PBRM1: variants seen among roughly 807,000 people sequenced by gnomAD.
PBRM1 encodes polybromo 1, also known as protein polybromo-1.
PBRM1 carries 27 observed loss-of-function variants against 194.5 expected under a neutral mutation model. That is an observed-to-expected ratio of 0.14 (90% CI 0.10 to 0.19). The LOEUF (loss-of-function observed/expected upper bound fraction) is 0.19. Ranked by LOEUF, PBRM1 falls within the 10% of genes least tolerant of loss-of-function variation. The probability of loss-of-function intolerance (pLI) is 1.00; values close to 1 mark genes in which losing one functional copy is unlikely to be tolerated. For missense variants in PBRM1, 1,466 were observed against 2,077.2 expected (o/e 0.71, Z 5.72); for synonymous variants, 655 against 693.2 (o/e 0.94, Z 0.87).
chr3:52,553,173 T>C (rs2081378222), intron 27 of PBRM1, among the ~76,000 whole-genome samples: 1 of 152,232 alleles, frequency 6.6e-6, no homozygotes, highest in Non-Finnish European at 1.5e-5. Flanking sequence ...GTTGGGCCCT[T>C]AGCTGATGTT....
intron 17 of PBRM1, among the ~76,000 whole-genome samples, chr3:52,592,694 T>C (rs889079580): frequency 1.3e-5 from 2 of 152,206 alleles, no homozygotes; most frequent in Non-Finnish European, 2.9e-5. Context: ...GAGGAGTCCT[T>C]TCTCCTCAGT....
chr3:52,648,426 C>A (rs2096390447), exon 7 of PBRM1: 1 of 1,598,426 alleles, frequency 6.3e-7, no homozygotes, highest in African/African-American at 1.3e-5. Flanking sequence ...TGCATGAATA[C>A]TTTTGTAGCT....
intron 22 of PBRM1, among the ~76,000 whole-genome samples, chr3:52,571,283 A>G (rs1173877257): frequency 3.4e-5 from 5 of 145,762 alleles, no homozygotes; most frequent in African/African-American, 1.3e-4. Context: ...AGATTGTGCC[A>G]CTGCACTGCA....
At chr3:52,590,117 G>A (rs947646049) in intron 17 of PBRM1, among the ~76,000 whole-genome samples, 5 of 151,848 alleles carry the variant, frequency 3.3e-5, no homozygotes, top group Non-Finnish European at 5.9e-5. Context: ...GAGCCACCGC[G>A]CCCAGATGAC....
chr3:52,554,322 T>G (rs557837323), intron 27 of PBRM1, among the ~76,000 whole-genome samples: 1 of 152,266 alleles, frequency 6.6e-6, no homozygotes, highest in East Asian at 1.9e-4. Flanking sequence ...GAAATGCAAC[T>G]CAGGGGCAAA....
intron 24 of PBRM1, among the ~76,000 whole-genome samples, chr3:52,562,221 G>T (rs1226417385): frequency 1.3e-5 from 2 of 151,672 alleles, no homozygotes; most frequent in Non-Finnish European, 2.9e-5. Context: ...CAGCTACTCA[G>T]GAGGCTGAGG....
At chr3:52,566,893 AC>A (rs1401307433) in intron 22 of PBRM1, among the ~76,000 whole-genome samples, 1 of 152,072 alleles carries the variant, frequency 6.6e-6, no homozygotes, top group Non-Finnish European at 1.5e-5. Flanking sequence ...ACATGGCGAA[AC>A]CCCGTCTCTA....
intron 17 of PBRM1, among the ~76,000 whole-genome samples, chr3:52,595,245 T>C (rs1287393128): frequency 6.6e-6 from 1 of 152,124 alleles, no homozygotes; most frequent in East Asian, 1.9e-4. Context: ...GGGTGTTTGA[T>C]TGTGGTATAA....
intron 15 of PBRM1, among the ~76,000 whole-genome samples, chr3:52,613,196 T>C (rs1188849279): frequency 6.6e-6 from 1 of 152,168 alleles, no homozygotes; most frequent in African/African-American, 2.4e-5. Flanking sequence ...TACTGAACTA[T>C]GTGGAAGTGA....
chr3:52,668,478 C>T lies in PBRM1; in HGVS notation c.384+20G>A. On this transcript the variant is annotated intron_variant, in intron 3 of 29. Transcript: ENST00000296302. ...TGGTATCTTCCAATTGGTATCTTTC[C>T]AAATTTCATAATTTCTTACCTTATA... 1 of 1,552,996 alleles carries T rather than the reference C, an allele frequency of 6.4e-7. No homozygotes were observed. The highest frequency in any genetic ancestry group is 8.7e-7 in the Non-Finnish European group (1 of 1,149,616).
At chr3:52,575,760 C>T (rs1286205561) in intron 22 of PBRM1, among the ~76,000 whole-genome samples, 12 of 150,962 alleles carry the variant, frequency 7.9e-5, no homozygotes, top group East Asian at 7.8e-4. Flanking sequence ...GTGATCCACC[C>T]GCCTCGGCCT....
intron 23 of PBRM1, 39 bp from the exon 26 acceptor site, chr3:52,563,532 G>A (rs1216195020): frequency 7.0e-6 from 10 of 1,424,080 alleles, no homozygotes; most frequent in Non-Finnish European, 9.9e-6. Context: ...ATCACCTAAT[G>A]CCCCTCCAGA....
At chr3:52,550,545 T>G (rs2080694175) in exon 29 of PBRM1, 1 of 1,558,038 alleles carries the variant, frequency 6.4e-7, no homozygotes, top group Non-Finnish European at 8.7e-7. Context: ...CAAACATGGG[T>G]GTTGTTGGCT....
At chr3:52,642,216 C>T (rs751773891) in intron 9 of PBRM1, among the ~76,000 whole-genome samples, 171 bp from the exon 11 acceptor site, 1 of 152,050 alleles carries the variant, frequency 6.6e-6, no homozygotes, top group Non-Finnish European at 1.5e-5. Flanking sequence ...CAATCTTAGC[C>T]GAGGAAACTA....
chr3:52,558,541 A>C (rs2082700738), intron 25 of PBRM1, 128 bp from the exon 28 acceptor site: 1 of 732,214 alleles, frequency 1.4e-6, no homozygotes, highest in Non-Finnish European at 2.1e-6. Flanking sequence ...ACAGTAGATG[A>C]CTAGTCTCAA....
intron 3 of PBRM1, among the ~76,000 whole-genome samples, chr3:52,666,517 C>T (rs968810054): frequency 6.6e-6 from 1 of 150,858 alleles, no homozygotes; most frequent in Non-Finnish European, 1.5e-5. Flanking sequence ...GCCTGGGCAA[C>T]AGAGCGAGAC....
intron 2 of PBRM1, among the ~76,000 whole-genome samples, chr3:52,676,655 C>T (rs996608884): frequency 1.2e-4 from 18 of 152,176 alleles, no homozygotes; most frequent in Admixed American, 1.1e-3. Context: ...AAAAGATACC[C>T]GAAAATGTGG....
intron 4 of PBRM1, among the ~76,000 whole-genome samples, chr3:52,660,990 T>C (rs1209455107): frequency 2.0e-5 from 3 of 152,186 alleles, no homozygotes; most frequent in Non-Finnish European, 2.9e-5. Flanking sequence ...CCTCTACTAT[T>C]CTTTTTTCTC....
intron 17 of PBRM1, among the ~76,000 whole-genome samples, chr3:52,600,055 TA>T (rs1048229843): frequency 1.3e-5 from 2 of 152,152 alleles, no homozygotes; most frequent in African/African-American, 2.4e-5. Context: ...TATAAATATT[TA>T]TGGGGCACAT....
Sources: allele counts gnomAD v4.1 joint callset (sites outside exome capture counted in the v4.1 genomes callset), GRCh38; gene constraint gnomAD v4.1.1; transcripts MANE v1.5; gene names NCBI Gene and HGNC (gene_info 2026-07-23, HGNC 2026-07-21).